RXYLT1: variants seen among roughly 807,000 people sequenced by gnomAD.
The protein encoded by RXYLT1 is ribitol-5-phosphate xylosyltransferase 1.
In RXYLT1, 41 loss-of-function variants were observed where a neutral mutation model predicts 43.5. The ratio of observed to expected loss-of-function variants is 0.94; its 90% confidence interval spans 0.73 to 1.22. The LOEUF (loss-of-function observed/expected upper bound fraction) is 1.22, where lower values mean the gene tolerates loss of function less well. Ranked by LOEUF, RXYLT1 falls within the 50% of genes most tolerant of loss-of-function variation. The probability of loss-of-function intolerance (pLI) is 0.00; values close to 1 mark genes in which losing one functional copy is unlikely to be tolerated. For missense variants in RXYLT1, 514 were observed against 532.0 expected (o/e 0.97, Z 0.33); for synonymous variants, 166 against 194.4 (o/e 0.85, Z 1.21).
intron 2 of RXYLT1, among the ~76,000 whole-genome samples, chr12:63,782,859 A>G (rs1214486750): frequency 3.3e-5 from 5 of 152,320 alleles, no homozygotes; most frequent in South Asian, 4.1e-4. Context: ...AATTTTTCAC[A>G]TCTTTTGCAA....
intron 3 of RXYLT1, among the ~76,000 whole-genome samples, chr12:63,792,785 A>G (rs1019382521): frequency 8.5e-5 from 13 of 152,238 alleles, no homozygotes; most frequent in African/African-American, 3.1e-4. Context: ...GAGAGATTAA[A>G]TGACTAGTAA....
intron 3 of RXYLT1, among the ~76,000 whole-genome samples, chr12:63,801,033 A>C (rs9888331): frequency 0.019 from 2,938 of 152,274 alleles, 111 homozygotes; most frequent in African/African-American, 0.067. Context: ...CTGTTAAAAA[A>C]ATTAAATACT....
At position 63,797,049 on chromosome 12, in the gene RXYLT1, C is replaced by A. The variant is rs368672417; in HGVS notation, c.429-5042C>A. Among the ~76,000 whole-genome samples the A allele has an allele frequency of 2.1e-4, 31 of 151,062 alleles. No homozygotes were observed. In the East Asian group the frequency reaches 5.9e-3, roughly 29 times the overall value. On this transcript the variant is annotated intron_variant, in intron 3 of 5. Transcript: ENST00000261234. Reference sequence around the variant, plus strand: ...CACGATCTTGGCTCACTGCAACCTCCACCTCCTAGGTTCAAGCAATTCTCC... The same window carrying A: ...CACGATCTTGGCTCACTGCAACCTCAACCTCCTAGGTTCAAGCAATTCTCC...
At chr12:63,800,456 T>G (rs1283451766) in intron 3 of RXYLT1, among the ~76,000 whole-genome samples, 1 of 152,230 alleles carries the variant, frequency 6.6e-6, no homozygotes, top group Non-Finnish European at 1.5e-5. Flanking sequence ...GTAAAGAATC[T>G]AGGATAAGAG....
chr12:63,782,314 C>T (rs1441939094), intron 2 of RXYLT1, among the ~76,000 whole-genome samples: 3 of 152,220 alleles, frequency 2.0e-5, no homozygotes, highest in Admixed American at 2.0e-4. Flanking sequence ...TAAATTTCAT[C>T]TAAATGGCCA....
At chr12:63,786,288 C>A (rs1236925339) in intron 3 of RXYLT1, among the ~76,000 whole-genome samples, 1 of 152,066 alleles carries the variant, frequency 6.6e-6, no homozygotes, top group Non-Finnish European at 1.5e-5. Flanking sequence ...GAGCAAAGAA[C>A]ATTAACTCCC....
chr12:63,793,353 T>TA (rs1281630539), intron 3 of RXYLT1, among the ~76,000 whole-genome samples: 2 of 152,168 alleles, frequency 1.3e-5, no homozygotes, highest in Non-Finnish European at 1.5e-5. Flanking sequence ...GTTTACTACT[T>TA]AGTGAATTTT....
intron 3 of RXYLT1, among the ~76,000 whole-genome samples, chr12:63,787,583 T>A (rs1461085047): frequency 1.3e-5 from 2 of 152,196 alleles, no homozygotes; most frequent in East Asian, 3.8e-4. Context: ...AACCACTGTC[T>A]GTGGCAGCTA....
Position 63,781,168 on chromosome 12 carries a change from G to T in RXYLT1, c.319G>T (p.Ala107Ser). The change falls in exon 2 of 6, where the codon GCC becomes TCC. Residue 107 changes from alanine to serine, a missense_variant. By Grantham distance (99) the Ala-to-Ser change is moderately conservative. Transcript: ENST00000261234. Reference protein sequence around the residue: ...DLSVQIWGKAAIGLYLWEHIF... With the variant: ...DLSVQIWGKASIGLYLWEHIF... ...CAGTGTACAAATCTGGGGCAAAGCT[G>T]CCATTGGTAAGTTAATACGTAGAAG... 1 of 1,554,012 alleles carries T rather than the reference G, an allele frequency of 6.4e-7. No individual in the cohort carries two copies. Among genetic ancestry groups the T allele is most frequent in the Non-Finnish European group, 8.7e-7 (1 of 1,153,432 alleles).
chr12:63,805,404 A>G lies in RXYLT1; in HGVS notation c.914A>G (p.His305Arg), dbSNP rs755864821. The G allele has an allele frequency of 4.4e-6, 7 of 1,597,356 alleles. No individual in the cohort carries two copies. In the South Asian group the frequency reaches 6.8e-5, roughly 16 times the overall value. Residue 305 changes from histidine to arginine, a missense_variant and splice_region_variant, in exon 5 of 6, where the codon CAC (histidine) becomes CGC (arginine). By Grantham distance (29) the His-to-Arg change is conservative. Transcript: ENST00000261234. ...CTTTGTTGGGTTTCAGCAAGAGAAC[A>G]GTAAGTTCTATGCTTATTTAATTCA... ...DKLCWVSAREHWQPQETNESL... is the reference protein window; with the variant it reads ...DKLCWVSARERWQPQETNESL...
At chr12:63,805,998 A>T (rs577345656) in intron 5 of RXYLT1, 6 of 152,256 alleles carry the variant, frequency 3.9e-5, no homozygotes, top group Admixed American at 3.9e-4. Context: ...GTAAATTTGC[A>T]ATCATTTATT....
At chr12:63,789,360 T>G (rs1022711217) in intron 3 of RXYLT1, among the ~76,000 whole-genome samples, 13 of 152,162 alleles carry the variant, frequency 8.5e-5, no homozygotes, top group Non-Finnish European at 1.8e-4. Context: ...TGAGACTTAT[T>G]CACTATCATG....
At chr12:63,785,587 T>C (rs1001336863) in intron 3 of RXYLT1, among the ~76,000 whole-genome samples, 7 of 152,106 alleles carry the variant, frequency 4.6e-5, no homozygotes, top group African/African-American at 1.7e-4. Flanking sequence ...ATGTATTGCT[T>C]AGACTTTTTT....
chr12:63,803,605 C>T (rs1245117305), intron 4 of RXYLT1: 5 of 152,122 alleles, frequency 3.3e-5, no homozygotes, highest in South Asian at 4.1e-4. Context: ...AACACCCTAA[C>T]TCAGTAGGTT....
In RXYLT1 at chr12:63,801,418, G is replaced by GCA. The variant is rs1370767966; in HGVS notation, c.429-673_429-672insCA. 1.3e-4 allele frequency among the ~76,000 whole-genome samples: 20 copies of GCA among 152,206 alleles called. 1 individual carries two copies. Among genetic ancestry groups the GCA allele is most frequent in the African/African-American group, 4.8e-4 (20 of 41,532 alleles). On this transcript the variant is annotated intron_variant, in intron 3 of 5. Coordinates refer to ENST00000261234, the MANE Select transcript of RXYLT1 (RefSeq NM_014254.3). Reference sequence around the variant, plus strand: ...ACTACTGACTTTAAATGCCTTTCTGGTTTGAACTAAACCATTATTTTACAG... The same window carrying GCA: ...ACTACTGACTTTAAATGCCTTTCTGGCATTTGAACTAAACCATTATTTTACAG...
At chr12:63,804,502 G>A (rs986387497) in intron 4 of RXYLT1, 1 of 152,028 alleles carries the variant, frequency 6.6e-6, no homozygotes, top group Non-Finnish European at 1.5e-5. Context: ...ATTTTTCAGA[G>A]CCCTTTGCAA....
rs78651894 is a variant in RXYLT1, at chr12:63,809,299, C to A, written c.*207C>A. ...AGATTATAATGGAGCTGAAAAATTT[C>A]TATCGCCTAGTGATGTCATAGCCTA... is the stretch of plus-strand genomic sequence containing the variant. On this transcript the variant is annotated 3_prime_UTR_variant, in exon 6 of 6. Transcript: ENST00000261234. The A allele has an allele frequency of 5.2e-3, 2,343 of 446,756 alleles. 47 individuals are homozygous for A. The highest frequency in any genetic ancestry group is 0.042 in the African/African-American group (2,087 of 49,988). 27.7% of individuals were successfully genotyped at this position (446,756 alleles called of 1,614,324 possible).
In RXYLT1 at chr12:63,784,966, C is replaced by CCAGG; in HGVS notation, c.326-2_327dup. 1.9e-5 allele frequency: 30 copies of CCAGG among 1,611,710 alleles called. No homozygotes were observed. Among genetic ancestry groups the CCAGG allele is most frequent in the Non-Finnish European group, 2.5e-5 (29 of 1,178,814 alleles). The stretch of plus-strand genomic sequence containing the variant: ...TTGATTTTGTTTTTGTTGTTAATTA[C>CCAGG]CAGGCTTGTATCTCTGGGAGCATAT... On this transcript the variant is annotated splice_polypyrimidine_tract_variant and splice_region_variant and intron_variant, in intron 2 of 5. Coordinates refer to ENST00000261234, the MANE Select transcript of RXYLT1 (RefSeq NM_014254.3).
chr12:63,808,918 C>G lies in RXYLT1; in HGVS notation c.1158C>G (p.Ile386Met), dbSNP rs959071459. The G allele has an allele frequency of 3.1e-6, 5 of 1,613,970 alleles. No homozygotes were observed. Among genetic ancestry groups the G allele is most frequent in the Non-Finnish European group, 4.2e-6 (5 of 1,180,028 alleles). The stretch of plus-strand genomic sequence containing the variant: ...CCATGGGTGCTCCCTTTATCTTTAT[C>G]AAGAACTGGAAGGAACTCCCTGCTG... The part of the protein sequence containing the change: ...LKSMGAPFIF[I>M]KNWKELPAVL... Residue 386 changes from isoleucine to methionine, a missense_variant, in exon 6 of 6, where the codon ATC (isoleucine) becomes ATG (methionine). Ile to Met is a conservative substitution (Grantham distance 10). Transcript: ENST00000261234.
Sources: allele counts gnomAD v4.1 joint callset (sites outside exome capture counted in the v4.1 genomes callset), GRCh38; gene constraint gnomAD v4.1.1; transcripts MANE v1.5; gene names NCBI Gene and HGNC (gene_info 2026-07-23, HGNC 2026-07-21).